TIAM1: variants seen among roughly 807,000 people sequenced by gnomAD.
TIAM1 encodes TIAM Rac1 associated GEF 1, also known as rho guanine nucleotide exchange factor TIAM1.
In TIAM1, 65 loss-of-function variants were observed where a neutral mutation model predicts 163.5. The observed-to-expected ratio is 0.40, with a 90% CI of 0.33 to 0.49. TIAM1 has a LOEUF of 0.49. Among genes scored for constraint, TIAM1 ranks in the 20% least tolerant of loss-of-function variants. The pLI, the probability that TIAM1 is intolerant of heterozygous loss-of-function variation, is 0.77. For synonymous variants in TIAM1, 833 were observed against 810.1 expected (o/e 1.03, Z -0.48); for missense variants, 1,789 against 2,044.7 (o/e 0.87, Z 2.41).
chr21:31,262,040 G>A (rs1040984172), intron 4 of TIAM1, among the ~76,000 whole-genome samples: 1 of 152,108 alleles, frequency 6.6e-6, no homozygotes, highest in Non-Finnish European at 1.5e-5. Flanking sequence ...TCCATCAAAC[G>A]GCAGGTTTCT....
At chr21:31,369,041 A>G (rs930297707) in intron 2 of TIAM1, among the ~76,000 whole-genome samples, 1 of 143,992 alleles carries the variant, frequency 6.9e-6, no homozygotes, top group Non-Finnish European at 1.5e-5. Flanking sequence ...AGATAGAGAC[A>G]TGGTGAAACC....
At chr21:31,422,824 C>A (rs1157854132) in intron 2 of TIAM1, among the ~76,000 whole-genome samples, 2 of 152,210 alleles carry the variant, frequency 1.3e-5, no homozygotes, top group Non-Finnish European at 2.9e-5. Flanking sequence ...AGTTTGTTCA[C>A]CTTCCAAAAT....
chr21:31,293,269 G>C (rs2074102499), intron 2 of TIAM1, among the ~76,000 whole-genome samples: 1 of 152,136 alleles, frequency 6.6e-6, no homozygotes, highest in African/African-American at 2.4e-5. Context: ...CCTTCTCGGG[G>C]ACCTCAGTCT....
chr21:31,304,221 T>C (rs547699228), intron 2 of TIAM1, among the ~76,000 whole-genome samples: 1 of 152,270 alleles, frequency 6.6e-6, no homozygotes, highest in African/African-American at 2.4e-5. Flanking sequence ...AACGTAAAGG[T>C]TTCCTATCTA....
chr21:31,352,705 A>G (rs2076254912), intron 2 of TIAM1, among the ~76,000 whole-genome samples: 1 of 151,336 alleles, frequency 6.6e-6, no homozygotes, highest in African/African-American at 2.4e-5. Flanking sequence ...ATAAATAGAT[A>G]AATAAATAAA....
chr21:31,210,519 G>T (rs778749992), intron 10 of TIAM1, among the ~76,000 whole-genome samples: 13 of 108,958 alleles, frequency 1.2e-4, no homozygotes, highest in Non-Finnish European at 2.3e-4. Context: ...AAGAGAGAGA[G>T]ATAGGGAAGG....
chr21:31,527,248 G>A (rs937128563), intron 1 of TIAM1, among the ~76,000 whole-genome samples: 3 of 152,182 alleles, frequency 2.0e-5, no homozygotes, highest in Non-Finnish European at 4.4e-5. Flanking sequence ...AAACTCCTCC[G>A]TGGGACTTAC....
rs1194721118 is a variant in TIAM1 at position 31,276,882 on chromosome 21, C to G, written c.-162G>C. On this transcript the variant is annotated 5_prime_UTR_variant, in exon 3 of 28. Transcript: ENST00000541036. ...CCTGCGGTGGCCATCACAGTTTCAT[C>G]TAAGTCTGTGAGAATGCGCCAAAAA... 6.6e-6 allele frequency: 1 copy of G among 152,164 alleles called. No individual in the cohort carries two copies. The allele number at this position is 152,164 out of a possible 1,614,324, so 9.4% of individuals were successfully genotyped here.
intron 20 of TIAM1, among the ~76,000 whole-genome samples, chr21:31,145,395 A>C (rs2083064300): frequency 6.6e-6 from 1 of 152,254 alleles, no homozygotes; most frequent in Non-Finnish European, 1.5e-5. Flanking sequence ...CCTGATCAGC[A>C]GCTGTTTACT....
At chr21:31,517,774 G>A (rs1340121730) in intron 1 of TIAM1, among the ~76,000 whole-genome samples, 2 of 152,156 alleles carry the variant, frequency 1.3e-5, no homozygotes, top group African/African-American at 2.4e-5. Context: ...TGTCCTTCTT[G>A]TACCAGGAGG....
chr21:31,392,570 C>CAAAAA (rs61454127), intron 2 of TIAM1, among the ~76,000 whole-genome samples: 1 of 84,884 alleles, frequency 1.2e-5, no homozygotes, highest in Non-Finnish European at 2.3e-5. Context: ...AACTCTGTCT[C>CAAAAA]AAAAAAAAAA....
intron 2 of TIAM1, among the ~76,000 whole-genome samples, chr21:31,308,642 G>A (rs1368994547): frequency 2.0e-5 from 3 of 152,098 alleles, no homozygotes; most frequent in Non-Finnish European, 4.4e-5. Context: ...TGATGATATT[G>A]ATAATATCCA....
chr21:31,321,608 C>T (rs531810247), intron 2 of TIAM1, among the ~76,000 whole-genome samples: 29 of 152,116 alleles, frequency 1.9e-4, no homozygotes, highest in African/African-American at 7.0e-4. Context: ...GCCTCGGCCT[C>T]CCAAAGTGTT....
chr21:31,487,615 T>A (rs1284961886), intron 1 of TIAM1, among the ~76,000 whole-genome samples: 1 of 148,440 alleles, frequency 6.7e-6, no homozygotes. Flanking sequence ...CGGACTGCAG[T>A]GGCGCAATCT....
rs577608871 is a variant in TIAM1, at chr21:31,176,740, A to T, written c.2887+5681T>A. ...TGCATGTCACCGTAAAATTCCAATT[A>T]TCTTATGATTCCACCAAGACAAGAA... On this transcript the variant is annotated intron_variant, in intron 15 of 27. Coordinates refer to ENST00000541036, the MANE Select transcript of TIAM1 (RefSeq NM_001353694.2). Among the ~76,000 whole-genome samples, 7 of 152,316 alleles carry T rather than the reference A, an allele frequency of 4.6e-5. No individual in the cohort carries two copies. The South Asian group carries it at 1.5e-3, about 32-fold the overall frequency.
chr21:31,185,705 T>C (rs1263010579), intron 14 of TIAM1, among the ~76,000 whole-genome samples: 2 of 149,868 alleles, frequency 1.3e-5, no homozygotes, highest in African/African-American at 4.9e-5. Flanking sequence ...CATAATTATA[T>C]ACTATTACAC....
At chr21:31,208,261 C>T (rs2086556138) in intron 11 of TIAM1, among the ~76,000 whole-genome samples, 1 of 152,198 alleles carries the variant, frequency 6.6e-6, no homozygotes, top group Non-Finnish European at 1.5e-5. Context: ...TTTGGCTTAA[C>T]CTTCGATTCC....
chr21:31,472,388 G>A (rs571857917), intron 1 of TIAM1, among the ~76,000 whole-genome samples: 6 of 151,900 alleles, frequency 3.9e-5, no homozygotes, highest in Admixed American at 3.9e-4. Context: ...TCAACTGGGT[G>A]TGGTAGCACA....
chr21:31,523,415 AAG>A (rs1342794652), intron 1 of TIAM1, among the ~76,000 whole-genome samples: 4 of 152,242 alleles, frequency 2.6e-5, no homozygotes, highest in African/African-American at 9.6e-5. Context: ...CCACTCATTT[AAG>A]ACTCTTCAAA....
Sources: allele counts gnomAD v4.1 joint callset (sites outside exome capture counted in the v4.1 genomes callset), GRCh38; gene constraint gnomAD v4.1.1; transcripts MANE v1.5; gene names NCBI Gene and HGNC (gene_info 2026-07-23, HGNC 2026-07-21).